The following SPINK9 variants were observed in gnomAD, a reference collection of about 807,000 sequenced individuals.
SPINK9 encodes serine protease inhibitor Kazal-type 9.
Under a neutral mutation model 10.8 loss-of-function variants are expected in SPINK9, and 3 were observed. The observed-to-expected ratio is 0.28, with a 90% CI of 0.13 to 0.72. The LOEUF is 0.72. SPINK9 is among the 30% of genes least tolerant of loss of function. The probability of loss-of-function intolerance (pLI) is 0.74; values close to 1 mark genes in which losing one functional copy is unlikely to be tolerated. For synonymous variants in SPINK9, 30 were observed against 31.2 expected, an observed-to-expected ratio of 0.96 and a Z score of 0.12; for missense variants, 101 against 103.2, an observed-to-expected ratio of 0.98 and a Z score of 0.09.
intron 2 of SPINK9, among the ~76,000 whole-genome samples, chr5:148,326,300 T>C (rs768623269): frequency 2.0e-5 from 3 of 152,138 alleles, no homozygotes; most frequent in Non-Finnish European, 4.4e-5. Context: ...GGTGGGATTG[T>C]GAATTAGTAC....
chr5:148,329,201 C>G (rs1200500701), intron 2 of SPINK9, among the ~76,000 whole-genome samples: 3 of 152,122 alleles, frequency 2.0e-5, no homozygotes, highest in Non-Finnish European at 4.4e-5. Flanking sequence ...TTGGTCTATT[C>G]AGAGATTCAA....
At chr5:148,322,407 A>G (rs1178464498) in intron 1 of SPINK9, among the ~76,000 whole-genome samples, 1 of 152,180 alleles carries the variant, frequency 6.6e-6, no homozygotes, top group Non-Finnish European at 1.5e-5. Context: ...TCTTTACTTT[A>G]ATAATTCCTC....
At chr5:148,337,774 A>ATTTTTTT (rs574352421) in intron 2 of SPINK9, among the ~76,000 whole-genome samples, 1 of 152,128 alleles carries the variant, frequency 6.6e-6, no homozygotes, top group African/African-American at 2.4e-5. Flanking sequence ...AGGTAAAAAA[A>ATTTTTTT]TTTTTACAGG....
chr5:148,323,839 T>C (rs1295992987), exon 2 of SPINK9: 6 of 701,422 alleles, frequency 8.6e-6, no homozygotes, highest in South Asian at 4.4e-5. Context: ...AGGAGACTCA[T>C]GGGCTTAACG....
chr5:148,333,587 C>G (rs769124832), upstream of SPINK9, among the ~76,000 whole-genome samples: 2 of 152,108 alleles, frequency 1.3e-5, no homozygotes, highest in Non-Finnish European at 2.9e-5. Flanking sequence ...CAGGTCATTG[C>G]CATGGAAAGG....
At chr5:148,328,329 T>G (rs1757097155) in intron 2 of SPINK9, among the ~76,000 whole-genome samples, 1 of 152,186 alleles carries the variant, frequency 6.6e-6, no homozygotes, top group African/African-American at 2.4e-5. Context: ...ATAAGAATGC[T>G]TGTGATTTTT....
upstream of SPINK9, among the ~76,000 whole-genome samples, chr5:148,331,041 G>C (rs1165115703): frequency 6.6e-6 from 1 of 152,220 alleles, no homozygotes. Context: ...CTTCCTGGGT[G>C]AGGTGATGCC....
chr5:148,325,541 C>T (rs1193607683), intron 2 of SPINK9, among the ~76,000 whole-genome samples: 1 of 151,978 alleles, frequency 6.6e-6, no homozygotes, highest in Non-Finnish European at 1.5e-5. Context: ...TTTTCATGTG[C>T]TTATTGACCT....
At chr5:148,330,734 G>A (rs1187650815), upstream of SPINK9, among the ~76,000 whole-genome samples, 1 of 152,128 alleles carries the variant, frequency 6.6e-6, no homozygotes, top group Non-Finnish European at 1.5e-5. Context: ...TTGCTTGTCT[G>A]TAAAGGATTT....
intron 2 of SPINK9, among the ~76,000 whole-genome samples, chr5:148,328,681 A>T (rs1450714716): frequency 6.6e-6 from 1 of 152,166 alleles, no homozygotes; most frequent in African/African-American, 2.4e-5. Flanking sequence ...CGTCCCATCA[A>T]TACCTAATTT....
At chr5:148,326,425 C>T (rs144921598) in intron 2 of SPINK9, among the ~76,000 whole-genome samples, 4 of 152,200 alleles carry the variant, frequency 2.6e-5, no homozygotes, top group Admixed American at 6.5e-5. Context: ...TGGTAGTCAA[C>T]GAGATGTCTG....
Position 148,323,948 on chromosome 5 carries a change from C to T in SPINK9, c.118+80C>T, listed in dbSNP as rs1163526973. On this transcript the variant is annotated intron_variant, in intron 2 of 4. Transcript: ENST00000511717. Reference sequence around the variant, plus strand: ...TTATAAAATAAAGAGAATAATCACCCCTAATTAGACATGTATATTGTGGGA... The same window carrying T: ...TTATAAAATAAAGAGAATAATCACCTCTAATTAGACATGTATATTGTGGGA... 6 of 618,162 alleles carry T rather than the reference C, an allele frequency of 9.7e-6. No homozygotes were observed. The East Asian group carries it at 1.7e-4, about 18-fold the overall frequency. The allele number at this position is 618,162 out of a possible 1,614,324, so 38.3% of individuals were successfully genotyped here. A position where few individuals can be genotyped will look rare whatever the true frequency, so the allele number is the denominator to read the frequency against.
Position 148,338,587 on chromosome 5 carries a change from T to G in SPINK9, c.197T>G (p.Phe66Cys), listed in dbSNP as rs1288672357. ...GGCAAAACTTATAAAAATGATTGCT[T>G]CTTCTGTTCTAAAGTTAAGTAAGTA... is the stretch of plus-strand genomic sequence containing the variant. ...SDGKTYKNDC[F>C]FCSKVKKTDG... Residue 66 changes from phenylalanine to cysteine, a missense_variant, in exon 3 of 4, where the codon TTC (phenylalanine) becomes TGC (cysteine). By Grantham distance (205) the Phe-to-Cys change is radical. Transcript: ENST00000377906. 1.9e-6 allele frequency: 3 copies of G among 1,590,890 alleles called. No homozygotes were observed. Among genetic ancestry groups the G allele is most frequent in the East Asian group, 2.2e-5 (1 of 44,650 alleles).
At chr5:148,332,469 G>A (rs1477110354), upstream of SPINK9, among the ~76,000 whole-genome samples, 1 of 152,146 alleles carries the variant, frequency 6.6e-6, no homozygotes, top group Non-Finnish European at 1.5e-5. Context: ...GATACCAATA[G>A]GTTTTTCTAG....
chr5:148,335,810 C>T (rs538862839), intron 1 of SPINK9, 142 bp downstream of exon 1: 15 of 909,464 alleles, frequency 1.6e-5, no homozygotes, highest in Middle Eastern at 3.4e-4. Context: ...CCTCAACCAA[C>T]GAATTGCTAA....
chr5:148,324,363 G>A (rs567218836), intron 2 of SPINK9, among the ~76,000 whole-genome samples: 44 of 152,048 alleles, frequency 2.9e-4, no homozygotes, highest in South Asian at 1.2e-3. Context: ...AAAGAATCTC[G>A]TCATAAAGTT....
intron 1 of SPINK9, among the ~76,000 whole-genome samples, chr5:148,323,025 A>G (rs1368547309): frequency 2.0e-5 from 3 of 152,180 alleles, no homozygotes; most frequent in Non-Finnish European, 4.4e-5. Flanking sequence ...TTCAAATTTT[A>G]AAACCCGCCT....
In SPINK9 at chr5:148,336,444, G is replaced by T; in HGVS notation, c.78G>T (p.Thr26=). Residue 26 remains threonine (T), a synonymous_variant, in exon 2 of 4, where the codon ACG becomes ACT. Coordinates refer to ENST00000377906, the MANE Select transcript of SPINK9 (RefSeq NM_001040433.2). ...TMFSIECAKQ[T]KQMVDCSHYK... is the part of the protein sequence containing the mutation. ...CAGGTATAGAATGTGCCAAACAGAC[G>T]AAACAGATGGTCAGTACACCCATCC... 1 of 1,613,462 alleles carries T rather than the reference G, an allele frequency of 6.2e-7. No homozygotes were observed. Among genetic ancestry groups the T allele is most frequent in the Non-Finnish European group, 8.5e-7 (1 of 1,179,600 alleles).
chr5:148,329,680 G>T (rs918240587), intron 2 of SPINK9, among the ~76,000 whole-genome samples: 2 of 151,934 alleles, frequency 1.3e-5, no homozygotes, highest in Non-Finnish European at 2.9e-5. Context: ...CTTTGAATGT[G>T]TCCCAGAGAT....
Sources: gnomAD v4.1 joint callset for allele counts (sites outside exome capture counted in the v4.1 genomes callset) on GRCh38, gnomAD v4.1.1 for gene constraint, MANE v1.5 for transcripts, NCBI Gene and HGNC (gene_info 2026-07-23, HGNC 2026-07-21) for gene names.